PTPRR: variants seen among roughly 807,000 people sequenced by gnomAD.
The protein encoded by PTPRR is receptor-type tyrosine-protein phosphatase R.
In PTPRR, 38 loss-of-function variants were observed where a neutral mutation model predicts 77.2. The ratio of observed to expected loss-of-function variants is 0.49; its 90% CI spans 0.38 to 0.65. The LOEUF is 0.65. PTPRR is among the 30% of genes least tolerant of loss of function. The probability of loss-of-function intolerance (pLI) is 0.00; values close to 1 mark genes in which losing one functional copy is unlikely to be tolerated. For synonymous variants in PTPRR, 299 were observed against 283.1 expected (o/e 1.06, Z -0.57); for missense variants, 744 against 799.2 (o/e 0.93, Z 0.83).
intron 2 of PTPRR, among the ~76,000 whole-genome samples, chr12:70,886,327 G>A (rs1408965995): frequency 6.6e-6 from 1 of 152,198 alleles, no homozygotes. Context: ...ATAAGAAGGT[G>A]ATTATATAAG....
At position 70,745,743 on chromosome 12, in the gene PTPRR, A is replaced by C. The variant is rs948102914; in HGVS notation, c.1007+75T>G. On this transcript the variant is annotated intron_variant, in intron 6 of 13. Transcript: ENST00000283228. The stretch of plus-strand genomic sequence containing the variant: ...CTACCCAATTATGTCAATCATTACT[A>C]GTTCTTTCTTTTTTAGTTGATGAAT... 6 of 1,469,392 alleles carry C rather than the reference A, an allele frequency of 4.1e-6. No individual in the cohort carries two copies. In the African/African-American group the frequency reaches 7.1e-5, roughly 17 times the overall value. The allele number at this position is 1,469,392 out of a possible 1,614,324, so 91.0% of individuals were successfully genotyped here. A position where few individuals can be genotyped will look rare whatever the true frequency, so the allele number is the denominator to read the frequency against.
intron 2 of PTPRR, among the ~76,000 whole-genome samples, chr12:70,779,873 C>T (rs1891167055): frequency 6.6e-6 from 1 of 152,158 alleles, no homozygotes; most frequent in Non-Finnish European, 1.5e-5. Flanking sequence ...TTAAAAAACA[C>T]ACAGAATTGA....
At chr12:70,749,789 A>G (rs2136938045) in intron 5 of PTPRR, among the ~76,000 whole-genome samples, 1 of 152,320 alleles carries the variant, frequency 6.6e-6, no homozygotes, top group Admixed American at 6.5e-5. Context: ...TGATCCAAAC[A>G]ACTATTTTCA....
intron 2 of PTPRR, among the ~76,000 whole-genome samples, chr12:70,814,453 G>A (rs926061464): frequency 2.0e-5 from 3 of 152,170 alleles, no homozygotes; most frequent in African/African-American, 7.2e-5. Flanking sequence ...AGCATCTAAA[G>A]GGAAGTTGGC....
At chr12:70,883,615 G>T (rs535743360) in intron 2 of PTPRR, among the ~76,000 whole-genome samples, 6 of 152,222 alleles carry the variant, frequency 3.9e-5, no homozygotes, top group Admixed American at 2.0e-4. Context: ...TAAATGAAAA[G>T]CTTCGTGCTT....
At chr12:70,652,830 C>G (rs1886444530) in intron 13 of PTPRR, among the ~76,000 whole-genome samples, 1 of 152,074 alleles carries the variant, frequency 6.6e-6, no homozygotes, top group African/African-American at 2.4e-5. Flanking sequence ...TTTGTTAGAC[C>G]TGAAAGGGGA....
In PTPRR at chr12:70,750,157, T is replaced by A. The variant is rs186985821; in HGVS notation, c.738+4034A>T. ...CTAATTTTATGCCTGGCAACATTTT[T>A]TTTTTGTATTTTAAGGAAAGTAAAC... is the stretch of plus-strand genomic sequence containing the variant. On this transcript the variant is annotated intron_variant, in intron 5 of 13. Transcript: ENST00000283228. Among the ~76,000 whole-genome samples, 735 of 152,334 alleles carry A rather than the reference T, an allele frequency of 4.8e-3. 21 individuals are homozygous for A. The South Asian group carries it at 0.061, about 13-fold the overall frequency.
chr12:70,728,174 TTGGGACC>T, intron 6 of PTPRR, among the ~76,000 whole-genome samples: 1 of 149,350 alleles, frequency 6.7e-6, no homozygotes, highest in South Asian at 2.1e-4. Flanking sequence ...TCCGAAATGC[TTGGGACC>T]AGAAGTGTTT....
At chr12:70,781,534 C>T (rs1334329419) in intron 2 of PTPRR, among the ~76,000 whole-genome samples, 3 of 152,170 alleles carry the variant, frequency 2.0e-5, no homozygotes, top group African/African-American at 2.4e-5. Flanking sequence ...AGTGCAAGTT[C>T]CCTGTGCAGC....
intron 2 of PTPRR, among the ~76,000 whole-genome samples, chr12:70,853,776 C>T (rs1429763791): frequency 1.3e-5 from 2 of 152,122 alleles, no homozygotes; most frequent in African/African-American, 4.8e-5. Flanking sequence ...GTCCCCGCTC[C>T]GCCTCCCGCA....
chr12:70,764,699 A>T lies in PTPRR; in HGVS notation c.437T>A (p.Leu146His). ...ATTGATGTGCACTTGCTGGGGTAAG[A>T]GTCCTAAAGCTGCAGCCACTCCTTG... ...FRQGVAAALG[L>H]LPQQVHINRL... The change falls in exon 3 of 14, where the codon CTC (leucine) becomes CAC (histidine). Residue 146 changes from leucine to histidine, a missense_variant. Leu to His is a moderately conservative substitution (Grantham distance 99, BLOSUM62 -3). Transcript: ENST00000283228. 6.2e-7 allele frequency: 1 copy of T among 1,614,070 alleles called. No individual in the cohort carries two copies. Among genetic ancestry groups the T allele is most frequent in the Non-Finnish European group, 8.5e-7 (1 of 1,179,918 alleles).
intron 2 of PTPRR, among the ~76,000 whole-genome samples, chr12:70,879,061 T>C (rs999187452): frequency 1.3e-5 from 2 of 151,794 alleles, no homozygotes; most frequent in Non-Finnish European, 2.9e-5. Flanking sequence ...ATGAGAACAC[T>C]TGGACACAGG....
rs1282443425 is a variant in PTPRR at position 70,768,811 on chromosome 12, A to G, written c.358-4033T>C. ...CAGCACATCAAAAAGCTTATCCACCATGATCAAGTGGGCTTCATCCCTGGG... is the reference window on the plus strand; with the variant it reads ...CAGCACATCAAAAAGCTTATCCACCGTGATCAAGTGGGCTTCATCCCTGGG... On this transcript the variant is annotated intron_variant, in intron 2 of 13. Transcript: ENST00000283228. Among the ~76,000 whole-genome samples, 4 of 152,020 alleles carry G rather than the reference A, an allele frequency of 2.6e-5. No individual in the cohort carries two copies. The South Asian group carries it at 8.3e-4, about 32-fold the overall frequency.
chr12:70,684,596 G>T, intron 9 of PTPRR, 108 bp downstream of exon 9: 3 of 777,290 alleles, frequency 3.9e-6, no homozygotes, highest in Admixed American at 2.7e-5. Flanking sequence ...ATGAAATCTT[G>T]CTGGTAATCA....
rs1203002734 is a variant in PTPRR at position 70,767,079 on chromosome 12, A to T, written c.358-2301T>A. Among the ~76,000 whole-genome samples, 7 of 152,360 alleles carry T rather than the reference A, an allele frequency of 4.6e-5. No homozygotes were observed. In the East Asian group the frequency reaches 1.3e-3, roughly 29 times the overall value. ...AAAATCACGCCAAAATGTAAAGACC[A>T]TCGAGACTAGGAAGAAACTACATCA... is the stretch of plus-strand genomic sequence containing the variant. On this transcript the variant is annotated intron_variant, in intron 2 of 13. Coordinates refer to ENST00000283228, the MANE Select transcript of PTPRR (RefSeq NM_002849.4).
intron 12 of PTPRR, among the ~76,000 whole-genome samples, chr12:70,660,573 C>T (rs1201852412): frequency 6.6e-6 from 1 of 152,148 alleles, no homozygotes; most frequent in Non-Finnish European, 1.5e-5. Context: ...ACAAAAAAGC[C>T]ACTGATAATT....
At chr12:70,741,092 TA>T (rs1440720745) in intron 6 of PTPRR, among the ~76,000 whole-genome samples, 2 of 152,174 alleles carry the variant, frequency 1.3e-5, no homozygotes, top group Admixed American at 6.6e-5. Context: ...TGTTTCCCAG[TA>T]ACTGCTGGGA....
chr12:70,733,480 A>AAAAAAAAAAAAAAAAAAAAAAAAATTTAT (rs1565672451), intron 6 of PTPRR, among the ~76,000 whole-genome samples: 1 of 85,808 alleles, frequency 1.2e-5, no homozygotes, highest in Non-Finnish European at 2.1e-5. Context: ...CAAAAAAAAA[A>AAAAAAAAAAAAAAAAAAAAAAAAATTTAT]AGAAAAAAAA....
At chr12:70,807,999 A>C (rs924951370) in intron 2 of PTPRR, among the ~76,000 whole-genome samples, 3 of 152,160 alleles carry the variant, frequency 2.0e-5, no homozygotes, top group Admixed American at 6.5e-5. Flanking sequence ...TATTACTGAA[A>C]ACGGGTAAGA....
Sources: allele counts gnomAD v4.1 joint callset (sites outside exome capture counted in the v4.1 genomes callset), GRCh38; gene constraint gnomAD v4.1.1; transcripts MANE v1.5; gene names NCBI Gene and HGNC (gene_info 2026-07-23, HGNC 2026-07-21).